The following ZNF138 variants were observed in gnomAD, a reference collection of about 807,000 sequenced individuals.
ZNF138 encodes zinc finger protein 138 (clone pHZ-32).
A neutral mutation model predicts 33.0 loss-of-function variants in ZNF138; 33 were observed. The observed-to-expected ratio is 1.00, with a 90% CI of 0.76 to 1.34. The LOEUF (loss-of-function observed/expected upper bound fraction) is 1.34. Among genes scored for constraint, ZNF138 ranks in the 40% most tolerant of loss-of-function variants. ZNF138 has a pLI of 0.00. For missense variants in ZNF138, 360 were observed against 370.8 expected (o/e 0.97, Z 0.24); for synonymous variants, 139 against 120.4 (o/e 1.15, Z -1.01).
At chr7:64,840,019 G>A in the ZNF138 span, among the ~76,000 whole-genome samples, 48 of 152,022 alleles carry the variant, frequency 3.2e-4, no homozygotes, top group Admixed American at 1.2e-3. Flanking sequence ...GTTGAGTTTC[G>A]CGCTTCTGAG....
At chr7:64,859,922 A>T in the ZNF138 span, among the ~76,000 whole-genome samples, 2,276 of 152,268 alleles carry the variant, frequency 0.015, 62 homozygotes, top group African/African-American at 0.052. Flanking sequence ...GTGGATTACG[A>T]GGTCAAGAGT....
At chr7:64,802,208 T>C (rs1199347010) in intron 1 of ZNF138, among the ~76,000 whole-genome samples, 8 of 152,236 alleles carry the variant, frequency 5.3e-5, no homozygotes, top group Non-Finnish European at 1.0e-4. Flanking sequence ...TGGTTGAGTA[T>C]ATCTGAAGAC....
intron 1 of ZNF138, among the ~76,000 whole-genome samples, chr7:64,798,104 C>G (rs1269620681): frequency 2.0e-5 from 3 of 152,094 alleles, no homozygotes; most frequent in African/African-American, 7.2e-5. Context: ...CCATGCCGGG[C>G]TAATTTTTGT....
chr7:64,838,846 T>C, the ZNF138 span, among the ~76,000 whole-genome samples: 1 of 151,878 alleles, frequency 6.6e-6, no homozygotes, highest in Non-Finnish European at 1.5e-5. Flanking sequence ...GGCGGCCAAA[T>C]GGCGGCAGAA....
intron 3 of ZNF138, chr7:64,830,875 T>C (rs1318138247): frequency 6.8e-6 from 10 of 1,462,024 alleles, no homozygotes; most frequent in Non-Finnish European, 9.0e-6. Flanking sequence ...GTTTTTTTAG[T>C]TCATTCTTGT....
At chr7:64,802,606 A>G (rs1357618156) in intron 1 of ZNF138, among the ~76,000 whole-genome samples, 1 of 151,914 alleles carries the variant, frequency 6.6e-6, no homozygotes. Flanking sequence ...AATAAAACCC[A>G]TCTGATGAGA....
chr7:64,860,187 A>G, the ZNF138 span, among the ~76,000 whole-genome samples: 6 of 152,212 alleles, frequency 3.9e-5, no homozygotes, highest in Admixed American at 2.0e-4. Context: ...TTTGTTGGGT[A>G]CACTGTCATA....
At chr7:64,854,036 GAA>G in the ZNF138 span, among the ~76,000 whole-genome samples, 1,405 of 150,320 alleles carry the variant, frequency 9.3e-3, 17 homozygotes, top group African/African-American at 0.033. Flanking sequence ...TCTTTAACCA[GAA>G]AAAAAAAAAT....
downstream of ZNF138, among the ~76,000 whole-genome samples, chr7:64,837,119 A>T (rs941306452): frequency 2.0e-5 from 3 of 152,296 alleles, no homozygotes; most frequent in Non-Finnish European, 2.9e-5. Flanking sequence ...TGGAGAATTC[A>T]TGCGGTATTT....
chr7:64,853,295 T>G, the ZNF138 span: 2 of 1,612,108 alleles, frequency 1.2e-6, no homozygotes, highest in East Asian at 4.5e-5. Context: ...TGAATCTGGT[T>G]AGCCGGAAGC....
chr7:64,799,346 A>G (rs951552871), intron 1 of ZNF138, among the ~76,000 whole-genome samples: 1 of 151,834 alleles, frequency 6.6e-6, no homozygotes, highest in Non-Finnish European at 1.5e-5. Context: ...TTATATTTTT[A>G]GTAAAGACGG....
downstream of ZNF138, among the ~76,000 whole-genome samples, chr7:64,837,825 A>T (rs1488267138): frequency 1.3e-5 from 2 of 152,224 alleles, no homozygotes; most frequent in Non-Finnish European, 2.9e-5. Context: ...GTGGTAGGGC[A>T]GGCTTTAACC....
the ZNF138 span, among the ~76,000 whole-genome samples, chr7:64,858,956 TTA>T: frequency 6.6e-6 from 1 of 152,142 alleles, no homozygotes; most frequent in African/African-American, 2.4e-5. Flanking sequence ...TTTCATTTTT[TTA>T]TATCTTCTTT....
In ZNF138 at chr7:64,830,269, T is replaced by C. The variant is rs1432857400; in HGVS notation, c.209-1182T>C. Reference sequence around the variant, plus strand: ...ATATCTTTGTGTGTATTCTAGTTTGTTGAGCCTTTTCATTTTTACATCATT... The same window carrying C: ...ATATCTTTGTGTGTATTCTAGTTTGCTGAGCCTTTTCATTTTTACATCATT... On this transcript the variant is annotated intron_variant, in intron 3 of 3. Transcript: ENST00000307355. Among the ~76,000 whole-genome samples the C allele has an allele frequency of 2.6e-5, 4 of 152,026 alleles. No individual in the cohort carries two copies. The East Asian group carries it at 7.7e-4, about 29-fold the overall frequency.
At chr7:64,808,597 ATTT>A (rs1314372642) in intron 1 of ZNF138, among the ~76,000 whole-genome samples, 2 of 150,934 alleles carry the variant, frequency 1.3e-5, no homozygotes, top group East Asian at 1.9e-4. Flanking sequence ...TTTTTTTTAA[ATTT>A]ATTTATTTTT....
At chr7:64,839,829 G>A in the ZNF138 span, among the ~76,000 whole-genome samples, 2 of 152,108 alleles carry the variant, frequency 1.3e-5, no homozygotes, top group Admixed American at 6.5e-5. Context: ...GCAATGGAAG[G>A]GCACCATGGA....
At chr7:64,852,422 A>G in the ZNF138 span, 4 of 1,564,218 alleles carry the variant, frequency 2.6e-6, no homozygotes, top group African/African-American at 4.1e-5. Context: ...TGTGGGATTC[A>G]CATTTTGAGT....
the ZNF138 span, among the ~76,000 whole-genome samples, chr7:64,841,462 AGC>A: frequency 4.6e-5 from 7 of 151,890 alleles, no homozygotes; most frequent in African/African-American, 1.7e-4. Context: ...CTCCATGATA[AGC>A]CATAAATATT....
chr7:64,810,320 G>A (rs181009024), intron 1 of ZNF138, among the ~76,000 whole-genome samples: 6,914 of 145,924 alleles, frequency 0.047, 218 homozygotes, highest in East Asian at 0.15. Flanking sequence ...GGTGGCGCGA[G>A]CCTGCAATCG....
Sources: gnomAD v4.1 joint callset for allele counts (sites outside exome capture counted in the v4.1 genomes callset) on GRCh38, gnomAD v4.1.1 for gene constraint, MANE v1.5 for transcripts, NCBI Gene and HGNC (gene_info 2026-07-23, HGNC 2026-07-21) for gene names.